The following AXDND1 variants were observed in gnomAD, a reference collection of about 807,000 sequenced individuals.
AXDND1 encodes the protein axonemal dynein light chain domain containing 1.
AXDND1 carries 110 observed loss-of-function variants against 137.5 expected under a neutral mutation model. That is an observed-to-expected ratio of 0.80 (90% CI 0.69 to 0.94). The LOEUF (loss-of-function observed/expected upper bound fraction) is 0.94. Ranked by LOEUF, AXDND1 falls within the 40% of genes least tolerant of loss-of-function variation. The pLI is 0.00. For missense variants in AXDND1, 1,191 were observed against 1,169.8 expected (o/e 1.02, Z -0.26); for synonymous variants, 414 against 399.7 (o/e 1.04, Z -0.43).
intron 12 of AXDND1, among the ~76,000 whole-genome samples, chr1:179,417,914 TTTTA>T (rs1263282378): frequency 8.6e-5 from 13 of 151,752 alleles, no homozygotes; most frequent in African/African-American, 2.9e-4. Flanking sequence ...TGTATAGATC[TTTTA>T]CTTCTTTTCC....
At chr1:179,404,408 G>A (rs1335505474) in intron 11 of AXDND1, among the ~76,000 whole-genome samples, 3 of 132,988 alleles carry the variant, frequency 2.3e-5, no homozygotes, top group African/African-American at 7.9e-5. Flanking sequence ...TTTTAGTAGA[G>A]ATGAGGTTTC....
At chr1:179,502,563 A>G (rs1032487101) in intron 20 of AXDND1, among the ~76,000 whole-genome samples, 1 of 28,038 alleles carries the variant, frequency 3.6e-5, no homozygotes, top group African/African-American at 1.5e-4. Flanking sequence ...AACTCTGTCT[A>G]AAAAAAAAAA....
chr1:179,515,516 G>A (rs12758530), intron 21 of AXDND1, among the ~76,000 whole-genome samples: 79,990 of 151,788 alleles, frequency 0.53, 21,138 homozygotes, highest in East Asian at 0.56. Flanking sequence ...TCTTTTCTTC[G>A]TCTTAACTTT....
At chr1:179,507,335 AT>A (rs954171259) in intron 20 of AXDND1, among the ~76,000 whole-genome samples, 3 of 152,114 alleles carry the variant, frequency 2.0e-5, no homozygotes, top group Non-Finnish European at 4.4e-5. Flanking sequence ...ACTCCTAATA[AT>A]TTTTTTCCTC....
intron 12 of AXDND1, among the ~76,000 whole-genome samples, chr1:179,421,684 T>A (rs1655761257): frequency 6.8e-6 from 1 of 146,596 alleles, no homozygotes; most frequent in Non-Finnish European, 1.5e-5. Flanking sequence ...GCCTGGACCT[T>A]TATCTTTTTT....
chr1:179,486,139 A>AAAAAAAAAAAAAAAAAATAAAAAAAACT (rs149119239), intron 18 of AXDND1, among the ~76,000 whole-genome samples: 1 of 87,770 alleles, frequency 1.1e-5, no homozygotes, highest in African/African-American at 3.7e-5. Flanking sequence ...AAAAAAAAAA[A>AAAAAAAAAAAAAAAAAATAAAAAAAACT]AACCTGATAG....
intron 16 of AXDND1, 110 bp from the exon 17 acceptor site, chr1:179,468,332 TA>T: frequency 1.4e-6 from 1 of 739,460 alleles, no homozygotes; most frequent in Non-Finnish European, 2.1e-6. Context: ...TGTAGGATAA[TA>T]AAAGATTTTT....
At chr1:179,457,271 C>A (rs1661549512) in intron 16 of AXDND1, 1 of 680,586 alleles carries the variant, frequency 1.5e-6, no homozygotes, top group South Asian at 1.7e-5. Flanking sequence ...TTTCTAAGCT[C>A]AACCGTCCAA....
intron 21 of AXDND1, among the ~76,000 whole-genome samples, chr1:179,520,858 A>G (rs1176447811): frequency 1.3e-5 from 2 of 148,528 alleles, no homozygotes; most frequent in Non-Finnish European, 1.5e-5. Context: ...TAGTAACTGT[A>G]TATATATATA....
intron 21 of AXDND1, among the ~76,000 whole-genome samples, chr1:179,521,757 CATTT>C (rs1670083017): frequency 1.3e-5 from 1 of 79,044 alleles, no homozygotes. Context: ...CTCATTCTTA[CATTT>C]TTTTTTTTTT....
chr1:179,457,873 G>C (rs72719278), intron 16 of AXDND1, among the ~76,000 whole-genome samples: 9,567 of 152,222 alleles, frequency 0.063, 361 homozygotes, highest in African/African-American at 0.071. Context: ...GTTGTTACTT[G>C]ATTGACTTTC....
At chr1:179,503,135 G>A (rs1668188569) in intron 20 of AXDND1, among the ~76,000 whole-genome samples, 1 of 149,870 alleles carries the variant, frequency 6.7e-6, no homozygotes, top group African/African-American at 2.4e-5. Context: ...ATTTCTAGAA[G>A]TATCCTCAAA....
intron 21 of AXDND1, among the ~76,000 whole-genome samples, chr1:179,520,604 T>A (rs1490994679): frequency 2.0e-5 from 3 of 151,952 alleles, no homozygotes; most frequent in Non-Finnish European, 2.9e-5. Flanking sequence ...TATAAGCTAG[T>A]TCTTAAAAAT....
At chr1:179,390,987 G>A (rs1650078700) in intron 9 of AXDND1, among the ~76,000 whole-genome samples, 1 of 151,896 alleles carries the variant, frequency 6.6e-6, no homozygotes, top group South Asian at 2.1e-4. Context: ...TGTATTTTTA[G>A]TAGAGATAGG....
intron 18 of AXDND1, among the ~76,000 whole-genome samples, chr1:179,489,784 C>T (rs1189621697): frequency 1.4e-5 from 2 of 142,604 alleles, no homozygotes; most frequent in Non-Finnish European, 3.0e-5. Flanking sequence ...CTCGCTCTGT[C>T]GCCCAGGCTG....
chr1:179,411,327 T>G (rs1450062897), intron 12 of AXDND1, 61 bp downstream of exon 12: 2 of 1,529,872 alleles, frequency 1.3e-6, no homozygotes, highest in Admixed American at 2.3e-5. Context: ...ATTCTACAGT[T>G]TTAAAATTTG....
intron 17 of AXDND1, among the ~76,000 whole-genome samples, chr1:179,475,423 C>G (rs1664490586): frequency 6.6e-6 from 1 of 152,240 alleles, no homozygotes; most frequent in Non-Finnish European, 1.5e-5. Flanking sequence ...TATGGGAATG[C>G]ACCTCTTGCA....
At chr1:179,488,085 T>G (rs1321574326) in intron 18 of AXDND1, among the ~76,000 whole-genome samples, 1 of 147,242 alleles carries the variant, frequency 6.8e-6, no homozygotes, top group Non-Finnish European at 1.5e-5. Context: ...TTTTTCCATC[T>G]ATCATAATGT....
chr1:179,367,026 C>G (rs891046541), intron 2 of AXDND1, among the ~76,000 whole-genome samples: 6 of 151,320 alleles, frequency 4.0e-5, no homozygotes, highest in African/African-American at 1.2e-4. Flanking sequence ...TCGAGACCAG[C>G]CTGGCCAAAT....
Sources: allele counts gnomAD v4.1 joint callset (sites outside exome capture counted in the v4.1 genomes callset), GRCh38; gene constraint gnomAD v4.1.1; transcripts MANE v1.5; gene names NCBI Gene and HGNC (gene_info 2026-07-23, HGNC 2026-07-21).